DIP2C: variants seen among roughly 807,000 people sequenced by gnomAD.
DIP2C encodes the protein disco-interacting protein 2 homolog C.
In DIP2C, 33 loss-of-function variants were observed where a neutral mutation model predicts 192.4. The observed-to-expected ratio is 0.17, with a 90% CI of 0.13 to 0.23. DIP2C has a LOEUF of 0.23. Ranked by LOEUF, DIP2C falls within the 10% of genes least tolerant of loss-of-function variation. The pLI, the probability that DIP2C is intolerant of heterozygous loss-of-function variation, is 1.00. For missense variants in DIP2C, 1,537 were observed against 2,110.1 expected, an observed-to-expected ratio of 0.73 and a Z score of 5.32; for synonymous variants, 979 against 864.1, an observed-to-expected ratio of 1.13 and a Z score of -2.33.
intron 1 of DIP2C, among the ~76,000 whole-genome samples, chr10:504,514 C>T (rs1333516460): frequency 2.0e-5 from 3 of 152,174 alleles, no homozygotes; most frequent in Admixed American, 1.3e-4. Context: ...GACTCAGAAG[C>T]TGCAAGATGA....
chr10:580,062 C>T (rs1850506918), intron 1 of DIP2C, among the ~76,000 whole-genome samples: 1 of 152,052 alleles, frequency 6.6e-6, no homozygotes, highest in Non-Finnish European at 1.5e-5. Flanking sequence ...ATACTATAAC[C>T]TGTATGTACA....
intron 1 of DIP2C, among the ~76,000 whole-genome samples, chr10:595,485 CT>C (rs1475006989): frequency 2.0e-5 from 3 of 152,200 alleles, no homozygotes; most frequent in Non-Finnish European, 4.4e-5. Flanking sequence ...GAAGCACTAA[CT>C]CTTCTCACTC....
At chr10:368,447 A>G (rs1170555058) in intron 18 of DIP2C, among the ~76,000 whole-genome samples, 2 of 152,226 alleles carry the variant, frequency 1.3e-5, no homozygotes, top group African/African-American at 4.8e-5. Context: ...CACAGGGGCT[A>G]GAGGGCTGCA....
chr10:433,281 C>G (rs1966910317), intron 4 of DIP2C, among the ~76,000 whole-genome samples: 1 of 152,322 alleles, frequency 6.6e-6, no homozygotes, highest in African/African-American at 2.4e-5. Flanking sequence ...GGCAAAAATA[C>G]ATTTAAGGAT....
chr10:331,684 C>T (rs964186534), intron 29 of DIP2C, among the ~76,000 whole-genome samples: 3 of 152,184 alleles, frequency 2.0e-5, no homozygotes, highest in Non-Finnish European at 2.9e-5. Context: ...TGAGCATCCT[C>T]GCTCTTTGCT....
intron 1 of DIP2C, among the ~76,000 whole-genome samples, chr10:525,939 G>A (rs1333593058): frequency 1.3e-5 from 2 of 152,194 alleles, no homozygotes; most frequent in Non-Finnish European, 2.9e-5. Flanking sequence ...GCCCAGGTGA[G>A]CTGCTGCCCA....
chr10:393,539 T>A (rs1963662449), intron 10 of DIP2C, among the ~76,000 whole-genome samples: 1 of 151,912 alleles, frequency 6.6e-6, no homozygotes, highest in South Asian at 2.1e-4. Flanking sequence ...GCACTTTGGG[T>A]GGCCACGGCA....
rs1450679569 is a variant in DIP2C at position 636,765 on chromosome 10, GCATCTGTCTCTCAGGGCATCATTAAATT to G, written c.85+52701_85+52728del. 2.6e-5 allele frequency among the ~76,000 whole-genome samples: 4 copies of G among 152,188 alleles called. No homozygotes were observed. Among genetic ancestry groups the G allele is most frequent in the Non-Finnish European group, 5.9e-5 (4 of 68,032 alleles). On this transcript the variant is annotated intron_variant, in intron 1 of 36. Coordinates refer to ENST00000280886, the MANE Select transcript of DIP2C (RefSeq NM_014974.3). The surrounding 1 kb of genome is among the most constrained non-coding windows in gnomAD (Gnocchi z 4.6). ...ACGTCCTGCAGAACGTCCCCCAGATGCATCTGTCTCTCAGGGCATCATTAAATTCCCTCTTATGCACCTCAGTTCCCTG... is the reference window on the plus strand; with the variant it reads ...ACGTCCTGCAGAACGTCCCCCAGATGCCCTCTTATGCACCTCAGTTCCCTG...
At position 575,569 on chromosome 10, in the gene DIP2C, C is replaced by T. The variant is rs562757212; in HGVS notation, c.86-89039G>A. Among the ~76,000 whole-genome samples the T allele has an allele frequency of 2.1e-3, 317 of 152,310 alleles. 1 individual carries two copies. Among genetic ancestry groups the T allele is most frequent in the Middle Eastern group, 0.01 (3 of 294 alleles). On this transcript the variant is annotated intron_variant, in intron 1 of 36. Transcript: ENST00000280886. Reference sequence around the variant, plus strand: ...AAGGGGCTTCTCCCTGCTATGGGCACGTGTGATCCTTGCAAAAACATAGCT... The same window carrying T: ...AAGGGGCTTCTCCCTGCTATGGGCATGTGTGATCCTTGCAAAAACATAGCT...
At chr10:541,860 G>A (rs968627653) in intron 1 of DIP2C, among the ~76,000 whole-genome samples, 6 of 152,110 alleles carry the variant, frequency 3.9e-5, no homozygotes, top group Admixed American at 6.5e-5. Context: ...GTGCATCCCT[G>A]CACCTGTCTC....
intron 28 of DIP2C, 46 bp from the exon 29 acceptor site, chr10:341,375 C>A: frequency 6.2e-7 from 1 of 1,610,824 alleles, no homozygotes. Context: ...CTGACACCCT[C>A]AGACACCCGG....
At chr10:661,409 C>T (rs1049209650) in intron 1 of DIP2C, among the ~76,000 whole-genome samples, 31 of 152,294 alleles carry the variant, frequency 2.0e-4, no homozygotes, top group Admixed American at 2.6e-4. Context: ...CTCCAGGCCT[C>T]GAAGGACCAT....
chr10:642,975 G>A (rs969696865), intron 1 of DIP2C, among the ~76,000 whole-genome samples: 2 of 152,124 alleles, frequency 1.3e-5, no homozygotes, highest in South Asian at 4.2e-4. Flanking sequence ...AGGCCAAGGT[G>A]GGCAGATCAC....
intron 36 of DIP2C, among the ~76,000 whole-genome samples, chr10:279,754 A>G (rs566955729): frequency 6.6e-6 from 1 of 152,342 alleles, no homozygotes; most frequent in East Asian, 1.9e-4. Context: ...GGCAAGGGGC[A>G]TGTGAGCCCC....
intron 10 of DIP2C, among the ~76,000 whole-genome samples, chr10:394,055 A>G (rs1323804484): frequency 6.6e-6 from 1 of 152,268 alleles, no homozygotes; most frequent in East Asian, 1.9e-4. Flanking sequence ...CAATCTTGCT[A>G]CTGGGTATTG....
At chr10:472,623 C>G in intron 2 of DIP2C, 74 bp from the exon 3 acceptor site, 1 of 1,297,844 alleles carries the variant, frequency 7.7e-7, no homozygotes, top group Non-Finnish European at 1.1e-6. Context: ...ACAAATCATG[C>G]CCTCCATCCC....
chr10:373,667 T>C (rs987056133), intron 17 of DIP2C, among the ~76,000 whole-genome samples: 6 of 152,138 alleles, frequency 3.9e-5, no homozygotes, highest in African/African-American at 1.4e-4. Context: ...GTGGCTTGGA[T>C]AGAATCCAGG....
At chr10:629,172 G>A (rs1854365525) in intron 1 of DIP2C, among the ~76,000 whole-genome samples, 1 of 152,200 alleles carries the variant, frequency 6.6e-6, no homozygotes, top group South Asian at 2.1e-4. Flanking sequence ...GGAACTGGCG[G>A]TGGAGACACA....
intron 31 of DIP2C, among the ~76,000 whole-genome samples, chr10:316,248 C>T (rs925173250): frequency 2.6e-5 from 4 of 152,018 alleles, no homozygotes; most frequent in South Asian, 2.1e-4. Flanking sequence ...TTATGAAAAA[C>T]GAAGATTGTA....
Sources: gnomAD v4.1 joint callset for allele counts (sites outside exome capture counted in the v4.1 genomes callset) on GRCh38, gnomAD v4.1.1 for gene constraint, Gnocchi (gnomAD v3.1) non-coding constraint, MANE v1.5 for transcripts, NCBI Gene and HGNC (gene_info 2026-07-23, HGNC 2026-07-21) for gene names.